KCTD8: variants seen among roughly 807,000 people sequenced by gnomAD.
KCTD8 encodes the protein potassium channel tetramerization domain containing 8, also known as BTB/POZ domain-containing protein KCTD8.
Under a neutral mutation model 31.5 loss-of-function variants are expected in KCTD8, and 27 were observed. The ratio of observed to expected loss-of-function variants is 0.86; its 90% CI spans 0.63 to 1.18. The LOEUF (loss-of-function observed/expected upper bound fraction) is 1.18. Among genes scored for constraint, KCTD8 ranks in the 50% most tolerant of loss-of-function variants. The pLI is 0.00. For missense variants in KCTD8, 658 were observed against 647.7 expected, an observed-to-expected ratio of 1.02 and a Z score of -0.17; for synonymous variants, 290 against 280.0, an observed-to-expected ratio of 1.04 and a Z score of -0.36.
intron 1 of KCTD8, among the ~76,000 whole-genome samples, chr4:44,209,485 T>G (rs1173270125): frequency 6.6e-6 from 1 of 151,618 alleles, no homozygotes; most frequent in Non-Finnish European, 1.5e-5. Context: ...AAGGTAGATA[T>G]AGCTACACAC....
intron 1 of KCTD8, among the ~76,000 whole-genome samples, chr4:44,307,077 A>G (rs1426962508): frequency 6.6e-6 from 1 of 152,032 alleles, no homozygotes; most frequent in Admixed American, 6.6e-5. Flanking sequence ...AATTAAGAGT[A>G]ATAAAGGAGC....
intron 1 of KCTD8, among the ~76,000 whole-genome samples, chr4:44,393,567 A>G (rs1720423650): frequency 6.6e-6 from 1 of 151,382 alleles, no homozygotes; most frequent in Non-Finnish European, 1.5e-5. Context: ...TACTCACATT[A>G]TAAGTATTAA....
intron 1 of KCTD8, among the ~76,000 whole-genome samples, chr4:44,371,897 A>G (rs1719796207): frequency 6.6e-6 from 1 of 152,122 alleles, no homozygotes; most frequent in Non-Finnish European, 1.5e-5. Context: ...TTTGTGATTC[A>G]GCCTTGTTTT....
intron 1 of KCTD8, among the ~76,000 whole-genome samples, chr4:44,369,045 A>G (rs1719713985): frequency 6.6e-6 from 1 of 152,126 alleles, no homozygotes; most frequent in African/African-American, 2.4e-5. Context: ...TATTCATCGT[A>G]GCTGAATGCA....
intron 1 of KCTD8, among the ~76,000 whole-genome samples, chr4:44,256,005 G>A (rs1000309668): frequency 1.3e-5 from 2 of 151,916 alleles, no homozygotes; most frequent in African/African-American, 4.8e-5. Context: ...CCACATGGCT[G>A]GGGAGGTCTC....
chr4:44,441,235 T>C (rs943001638), intron 1 of KCTD8, among the ~76,000 whole-genome samples: 4 of 125,124 alleles, frequency 3.2e-5, no homozygotes, highest in African/African-American at 5.2e-5. Context: ...CTCATACTAC[T>C]ACTAAAAAAA....
In KCTD8 at chr4:44,447,603, G is replaced by T; in HGVS notation, c.921C>A (p.Asp307Glu). ...GTAAFVNQYR[D>E]DKIWSSYTEY... is the part of the protein sequence containing the mutation. The stretch of plus-strand genomic sequence containing the variant: ...CGGTGTAGCTGCTCCAGATCTTGTC[G>T]TCGCGGTACTGGTTGACGAAGGCGG... The change falls in exon 1 of 2, where the codon GAC becomes GAA. Residue 307 changes from aspartate (D) to glutamate (E), a missense_variant. Transcript: ENST00000360029. 6.2e-7 allele frequency: 1 copy of T among 1,600,292 alleles called. No individual in the cohort carries two copies. The highest frequency in any genetic ancestry group is 1.1e-5 in the South Asian group (1 of 88,558).
chr4:44,427,832 T>C (rs1721384888), intron 1 of KCTD8, among the ~76,000 whole-genome samples: 1 of 151,746 alleles, frequency 6.6e-6, no homozygotes, highest in East Asian at 1.9e-4. Context: ...TAGACAAAAA[T>C]AGTTTAGTAG....
At chr4:44,235,568 TATATATA>T (rs1715262094) in intron 1 of KCTD8, among the ~76,000 whole-genome samples, 11 of 45,006 alleles carry the variant, frequency 2.4e-4, no homozygotes, top group East Asian at 1.3e-3. Context: ...TATATATATA[TATATATA>T]TTTAGAGAGA....
At chr4:44,322,968 T>C (rs980661083) in intron 1 of KCTD8, among the ~76,000 whole-genome samples, 1 of 152,086 alleles carries the variant, frequency 6.6e-6, no homozygotes, top group Admixed American at 6.5e-5. Flanking sequence ...GCCAGTACCA[T>C]GCTATTTTGG....
At chr4:44,282,976 G>A (rs1716940664) in intron 1 of KCTD8, among the ~76,000 whole-genome samples, 1 of 151,610 alleles carries the variant, frequency 6.6e-6, no homozygotes, top group South Asian at 2.1e-4. Context: ...AAGTCATTCA[G>A]AATATCCAGC....
At chr4:44,234,437 T>C (rs964076398) in intron 1 of KCTD8, among the ~76,000 whole-genome samples, 35 of 152,152 alleles carry the variant, frequency 2.3e-4, no homozygotes, top group Admixed American at 7.9e-4. Context: ...TAGGTGTTCA[T>C]TGACAGATAA....
intron 1 of KCTD8, among the ~76,000 whole-genome samples, chr4:44,238,346 T>C (rs1206134219): frequency 5.3e-5 from 8 of 152,128 alleles, no homozygotes; most frequent in African/African-American, 1.4e-4. Flanking sequence ...TCTCTCTATA[T>C]AAACTTATCC....
intron 1 of KCTD8, among the ~76,000 whole-genome samples, chr4:44,213,652 A>C (rs1297469816): frequency 2.1e-4 from 32 of 152,194 alleles, no homozygotes; most frequent in African/African-American, 7.2e-4. Context: ...TCCCTGTGGT[A>C]TAAGGGCAAC....
At chr4:44,286,815 T>G (rs1482038931) in intron 1 of KCTD8, among the ~76,000 whole-genome samples, 1 of 151,886 alleles carries the variant, frequency 6.6e-6, no homozygotes, top group Non-Finnish European at 1.5e-5. Context: ...AGGGATTGAA[T>G]AGGAGGTATT....
rs1344631155 is a variant in KCTD8, at chr4:44,301,417, C to T, written c.962-126167G>A. On this transcript the variant is annotated intron_variant, in intron 1 of 1. Coordinates refer to ENST00000360029, the MANE Select transcript of KCTD8 (RefSeq NM_198353.3). ...TTTTAATGATTGCCATTCTAACTGG[C>T]GTGAGATGTTATCTCATTGTGGTTT... 5.7e-3 allele frequency among the ~76,000 whole-genome samples: 874 copies of T among 152,094 alleles called. 4 individuals are homozygous for T. The highest frequency in any genetic ancestry group is 7.3e-3 in the Non-Finnish European group (495 of 67,936).
intron 1 of KCTD8, among the ~76,000 whole-genome samples, chr4:44,267,680 A>C (rs1716429734): frequency 6.6e-6 from 1 of 152,202 alleles, no homozygotes; most frequent in Admixed American, 6.5e-5. Context: ...GAGAAGAATC[A>C]AATAGATGCA....
rs78322448 is a variant in KCTD8 at position 44,290,523 on chromosome 4, C to T, written c.962-115273G>A. Among the ~76,000 whole-genome samples the T allele has an allele frequency of 7.8e-3, 1,189 of 152,254 alleles. 15 individuals are homozygous for T. Among genetic ancestry groups the T allele is most frequent in the African/African-American group, 0.027 (1,108 of 41,540 alleles). ...ACAGATTATATATTCTTCTCATCTG[C>T]ACCCAGAACATGTCCAAAGATTGAA... On this transcript the variant is annotated intron_variant, in intron 1 of 1. Coordinates refer to ENST00000360029, the MANE Select transcript of KCTD8 (RefSeq NM_198353.3).
chr4:44,261,081 G>A (rs919534681), intron 1 of KCTD8, among the ~76,000 whole-genome samples: 4 of 151,996 alleles, frequency 2.6e-5, no homozygotes, highest in African/African-American at 9.7e-5. Flanking sequence ...TGAAGGTACA[G>A]TTAGTAGAAT....
Sources: gnomAD v4.1 joint callset for allele counts (sites outside exome capture counted in the v4.1 genomes callset) on GRCh38, gnomAD v4.1.1 for gene constraint, MANE v1.5 for transcripts, NCBI Gene and HGNC (gene_info 2026-07-23, HGNC 2026-07-21) for gene names.